THSD7B: variants seen among roughly 807,000 people sequenced by gnomAD.
THSD7B encodes the protein thrombospondin type 1 domain containing 7B.
THSD7B carries 138 observed loss-of-function variants against 213.6 expected under a neutral mutation model. That is an observed-to-expected ratio of 0.65 (90% CI 0.56 to 0.74). THSD7B has a LOEUF of 0.74. THSD7B is among the 30% of genes least tolerant of loss of function. The probability of loss-of-function intolerance (pLI) is 0.00; values close to 1 mark genes in which losing one functional copy is unlikely to be tolerated. For synonymous variants in THSD7B, 742 were observed against 687.0 expected (o/e 1.08, Z -1.25); for missense variants, 1,931 against 1,991.5 (o/e 0.97, Z 0.58).
intron 1 of THSD7B, among the ~76,000 whole-genome samples, chr2:136,796,188 C>A (rs1301708404): frequency 6.6e-6 from 1 of 151,722 alleles, no homozygotes; most frequent in Non-Finnish European, 1.5e-5. Context: ...GTTTCCATGA[C>A]CTCTACAACT....
intron 12 of THSD7B, among the ~76,000 whole-genome samples, chr2:137,288,314 G>GA (rs1558743993): frequency 6.6e-6 from 1 of 152,146 alleles, no homozygotes; most frequent in East Asian, 1.9e-4. Flanking sequence ...TACATGGTGA[G>GA]AAAAACAATA....
Position 137,479,451 on chromosome 2 carries a change from G to A in THSD7B, c.3138+28428G>A, listed in dbSNP as rs143574864. 1.1e-4 allele frequency: 44 copies of A among 388,638 alleles called. No individual in the cohort carries two copies. In the East Asian group the frequency reaches 3.7e-3, roughly 33 times the overall value. 24.1% of individuals were successfully genotyped at this position (388,638 alleles called of 1,614,324 possible). ...GTGCTGGCTGTGGCAGACAGGGATG[G>A]AGTGATCTTCAGGTCCCTGTCAGAA... is the stretch of plus-strand genomic sequence containing the variant. On this transcript the variant is annotated intron_variant, in intron 15 of 27. Transcript: ENST00000409968.
At position 137,668,940 on chromosome 2, in the gene THSD7B, G is replaced by T. The variant is rs1683507031; in HGVS notation, c.4739+1079G>T. Among the ~76,000 whole-genome samples the T allele has an allele frequency of 2.0e-5, 3 of 152,264 alleles. No homozygotes were observed. In the South Asian group the frequency reaches 6.2e-4, roughly 32 times the overall value. ...GGCTGTTTGCCTTATTGTCTCAGGG[G>T]TGGCAGAGGCGGAAGAAATTCTGCA... On this transcript the variant is annotated intron_variant, in intron 27 of 27. Coordinates refer to ENST00000409968, the MANE Select transcript of THSD7B (RefSeq NM_001316349.2).
At chr2:136,897,854 T>C (rs1683989530) in intron 2 of THSD7B, among the ~76,000 whole-genome samples, 1 of 152,006 alleles carries the variant, frequency 6.6e-6, no homozygotes, top group African/African-American at 2.4e-5. Flanking sequence ...GGTGCATTTT[T>C]ACAGAGTGCT....
chr2:137,132,738 A>G (rs1013126250), intron 5 of THSD7B, among the ~76,000 whole-genome samples: 8 of 152,212 alleles, frequency 5.3e-5, no homozygotes, highest in African/African-American at 1.7e-4. Flanking sequence ...GAAGAGTTCT[A>G]GAGTGCGGTT....
intron 2 of THSD7B, among the ~76,000 whole-genome samples, chr2:137,017,193 G>A (rs1203434751): frequency 6.6e-6 from 1 of 151,854 alleles, no homozygotes; most frequent in African/African-American, 2.4e-5. Flanking sequence ...TGGACCTATA[G>A]TATGTATCCG....
At chr2:137,658,512 A>G (rs962956267) in intron 24 of THSD7B, among the ~76,000 whole-genome samples, 2 of 152,162 alleles carry the variant, frequency 1.3e-5, no homozygotes, top group African/African-American at 4.8e-5. Flanking sequence ...TTTCTTTCCT[A>G]TTCCCAAGAG....
At chr2:137,175,788 C>G (rs115935907) in intron 7 of THSD7B, among the ~76,000 whole-genome samples, 207 of 152,186 alleles carry the variant, frequency 1.4e-3, no homozygotes, top group African/African-American at 4.4e-3. Flanking sequence ...AATGTTTTTA[C>G]GTCTGTGATT....
intron 12 of THSD7B, among the ~76,000 whole-genome samples, chr2:137,322,522 A>C (rs1684283845): frequency 6.6e-6 from 1 of 152,168 alleles, no homozygotes; most frequent in African/African-American, 2.4e-5. Context: ...ATATAACGAG[A>C]CTGAATCTTG....
chr2:136,930,815 C>T (rs920387736), intron 2 of THSD7B, among the ~76,000 whole-genome samples: 3 of 150,710 alleles, frequency 2.0e-5, no homozygotes, highest in Admixed American at 6.6e-5. Context: ...CAGCTTAAGA[C>T]AAATAGGAAA....
At chr2:137,409,412 G>T (rs1004199924) in intron 13 of THSD7B, among the ~76,000 whole-genome samples, 7 of 152,100 alleles carry the variant, frequency 4.6e-5, no homozygotes, top group Non-Finnish European at 1.0e-4. Flanking sequence ...AATAATTCAG[G>T]GCATTCCAAC....
Position 136,994,393 on chromosome 2 carries a change from C to T in THSD7B, c.140-62027C>T, listed in dbSNP as rs111434766. On this transcript the variant is annotated intron_variant, in intron 2 of 27. Coordinates refer to ENST00000409968, the MANE Select transcript of THSD7B (RefSeq NM_001316349.2). Reference sequence around the variant, plus strand: ...CATCCTGGCTAACACGGTGAAACCCCGTCTCTACTAAAAATAAAAAAAAAT... The same window carrying T: ...CATCCTGGCTAACACGGTGAAACCCTGTCTCTACTAAAAATAAAAAAAAAT... Among the ~76,000 whole-genome samples, 1,260 of 151,968 alleles carry T rather than the reference C, an allele frequency of 8.3e-3. 24 individuals are homozygous for T. Among genetic ancestry groups the T allele is most frequent in the African/African-American group, 0.029 (1,221 of 41,444 alleles).
rs138857610 is a variant in THSD7B, at chr2:137,434,512, T to A, written c.2960-16333T>A. Among the ~76,000 whole-genome samples the A allele has an allele frequency of 8.9e-3, 1,353 of 152,326 alleles. 18 individuals carry two copies. The highest frequency in any genetic ancestry group is 0.031 in the African/African-American group (1,285 of 41,582). ...CCAGACCTCCTGGGCAAAGATAATA[T>A]TTCAATGGTTTGAAACTGATGCCAA... On this transcript the variant is annotated intron_variant, in intron 14 of 27. Coordinates refer to ENST00000409968, the MANE Select transcript of THSD7B (RefSeq NM_001316349.2).
intron 1 of THSD7B, among the ~76,000 whole-genome samples, chr2:136,811,151 C>G (rs1271826616): frequency 6.6e-6 from 1 of 152,172 alleles, no homozygotes; most frequent in Non-Finnish European, 1.5e-5. Context: ...GTGTCCTCTT[C>G]CACTGCGTTC....
chr2:137,584,023 G>T (rs1573724785), intron 17 of THSD7B, among the ~76,000 whole-genome samples: 1 of 115,288 alleles, frequency 8.7e-6, no homozygotes, highest in African/African-American at 2.9e-5. Flanking sequence ...TTGAGCAGTG[G>T]TTTGTAGTTC....
intron 15 of THSD7B, among the ~76,000 whole-genome samples, chr2:137,525,604 G>T (rs1233394208): frequency 6.6e-6 from 1 of 152,060 alleles, no homozygotes; most frequent in Admixed American, 6.5e-5. Context: ...TATGTTGATC[G>T]ATGTGAGCCA....
At chr2:137,067,853 G>T (rs1227751660) in intron 3 of THSD7B, among the ~76,000 whole-genome samples, 2 of 151,980 alleles carry the variant, frequency 1.3e-5, no homozygotes, top group Non-Finnish European at 2.9e-5. Flanking sequence ...GAAACATGAA[G>T]AAAATTTTTT....
At chr2:137,092,857 C>A (rs527296180) in intron 3 of THSD7B, among the ~76,000 whole-genome samples, 1 of 152,116 alleles carries the variant, frequency 6.6e-6, no homozygotes, top group African/African-American at 2.4e-5. Flanking sequence ...AGGCTGGTCT[C>A]GAACTCCTGA....
At chr2:137,299,334 A>G (rs1052476677) in intron 12 of THSD7B, among the ~76,000 whole-genome samples, 4 of 152,060 alleles carry the variant, frequency 2.6e-5, no homozygotes, top group African/African-American at 9.7e-5. Flanking sequence ...TTTTGATTTT[A>G]CTGGCTCATA....
Sources: allele counts gnomAD v4.1 joint callset (sites outside exome capture counted in the v4.1 genomes callset), GRCh38; gene constraint gnomAD v4.1.1; transcripts MANE v1.5; gene names NCBI Gene and HGNC (gene_info 2026-07-23, HGNC 2026-07-21).